The following SLC24A2 variants were observed in gnomAD, a reference collection of about 807,000 sequenced individuals.
SLC24A2 encodes solute carrier family 24 member 2.
Under a neutral mutation model 62.0 loss-of-function variants are expected in SLC24A2, and 36 were observed. The ratio of observed to expected loss-of-function variants is 0.58; its 90% CI spans 0.44 to 0.77. The LOEUF is 0.77. Ranked by LOEUF, SLC24A2 falls within the 30% of genes least tolerant of loss-of-function variation. The probability of loss-of-function intolerance (pLI) is 0.00; values close to 1 mark genes in which losing one functional copy is unlikely to be tolerated. For missense variants in SLC24A2, 846 were observed against 817.9 expected (o/e 1.03, Z -0.42); for synonymous variants, 358 against 294.0 (o/e 1.22, Z -2.23).
chr9:20,207,449 T>C, the SLC24A2 span, among the ~76,000 whole-genome samples: 3 of 151,092 alleles, frequency 2.0e-5, no homozygotes, highest in Admixed American at 2.0e-4. Context: ...TATACAGGTC[T>C]AATTCTGAAC....
the SLC24A2 span, among the ~76,000 whole-genome samples, chr9:20,298,007 T>C: frequency 6.6e-6 from 1 of 152,138 alleles, no homozygotes; most frequent in East Asian, 1.9e-4. Flanking sequence ...CAAGCACTGG[T>C]GGAGGCAAAC....
the SLC24A2 span, among the ~76,000 whole-genome samples, chr9:20,089,060 TG>T: frequency 6.6e-6 from 1 of 152,160 alleles, no homozygotes; most frequent in Non-Finnish European, 1.5e-5. Flanking sequence ...CATCCCCTGC[TG>T]GGGCTATTGA....
At chr9:19,843,842 A>G in the SLC24A2 span, among the ~76,000 whole-genome samples, 4 of 152,188 alleles carry the variant, frequency 2.6e-5, no homozygotes, top group African/African-American at 7.2e-5. Flanking sequence ...ATGTTGCTGC[A>G]AAGGACATGA....
At chr9:20,025,932 A>G in the SLC24A2 span, among the ~76,000 whole-genome samples, 1 of 152,174 alleles carries the variant, frequency 6.6e-6, no homozygotes, top group African/African-American at 2.4e-5. Flanking sequence ...TCTTGCCCCT[A>G]ATAAAAGACA....
At chr9:19,733,584 T>A (rs187252105) in intron 2 of SLC24A2, among the ~76,000 whole-genome samples, 38 of 152,334 alleles carry the variant, frequency 2.5e-4, no homozygotes, top group Non-Finnish European at 4.9e-4. Flanking sequence ...AAGCATTGAA[T>A]GAATGAAAAA....
the SLC24A2 span, among the ~76,000 whole-genome samples, chr9:20,245,569 G>A: frequency 6.6e-6 from 1 of 152,196 alleles, no homozygotes; most frequent in South Asian, 2.1e-4. Context: ...AAGGAAGGTG[G>A]ACCCCCAAGC....
At chr9:19,531,766 C>A (rs1399567894) in intron 8 of SLC24A2, among the ~76,000 whole-genome samples, 3 of 119,770 alleles carry the variant, frequency 2.5e-5, no homozygotes, top group Non-Finnish European at 4.8e-5. Flanking sequence ...GTATTGAAAT[C>A]TCTGCTCACA....
the SLC24A2 span, among the ~76,000 whole-genome samples, chr9:20,128,505 C>T: frequency 6.6e-6 from 1 of 152,064 alleles, no homozygotes; most frequent in African/African-American, 2.4e-5. Flanking sequence ...TATTGGGCTG[C>T]ATTACTCTAA....
the SLC24A2 span, among the ~76,000 whole-genome samples, chr9:20,095,907 A>G: frequency 6.6e-6 from 1 of 152,190 alleles, no homozygotes; most frequent in Non-Finnish European, 1.5e-5. Flanking sequence ...TTATAAAATC[A>G]TCAGATCTTG....
the SLC24A2 span, among the ~76,000 whole-genome samples, chr9:20,002,581 G>A: frequency 6.6e-6 from 1 of 152,052 alleles, no homozygotes; most frequent in Non-Finnish European, 1.5e-5. Flanking sequence ...CCCACTGCTG[G>A]TACATCACAG....
intron 2 of SLC24A2, among the ~76,000 whole-genome samples, chr9:19,736,012 A>G (rs866507636): frequency 1.3e-5 from 2 of 152,212 alleles, no homozygotes; most frequent in Non-Finnish European, 2.9e-5. Context: ...ATAAAAAAAA[A>G]GAATTAAAAT....
chr9:20,214,507 C>T, the SLC24A2 span, among the ~76,000 whole-genome samples: 1 of 151,942 alleles, frequency 6.6e-6, no homozygotes, highest in African/African-American at 2.4e-5. Context: ...CCCAGCTACT[C>T]GGGAGGCTGA....
chr9:20,205,182 A>G, the SLC24A2 span, among the ~76,000 whole-genome samples: 1 of 152,294 alleles, frequency 6.6e-6, no homozygotes, highest in African/African-American at 2.4e-5. Context: ...ACTTTTTAAA[A>G]AACTGTATGA....
At chr9:19,636,314 CT>C (rs748916889) in intron 2 of SLC24A2, among the ~76,000 whole-genome samples, 821 of 21,054 alleles carry the variant, frequency 0.039, 76 homozygotes, top group Admixed American at 0.15. Context: ...CTTTTCTTTT[CT>C]TTTCTTTCTT....
intron 7 of SLC24A2, among the ~76,000 whole-genome samples, chr9:19,560,879 T>TTATGTG (rs1554677444): frequency 7.3e-6 from 1 of 137,068 alleles, no homozygotes; most frequent in Non-Finnish European, 1.6e-5. Context: ...GTCTTTGCAT[T>TTATGTG]TGTGTGTGTG....
chr9:20,227,525 C>A, the SLC24A2 span, among the ~76,000 whole-genome samples: 1 of 133,472 alleles, frequency 7.5e-6, no homozygotes. Flanking sequence ...AGAAAAGGCT[C>A]ACACATTTCT....
At chr9:20,113,284 C>G in the SLC24A2 span, among the ~76,000 whole-genome samples, 1 of 152,158 alleles carries the variant, frequency 6.6e-6, no homozygotes, top group Non-Finnish European at 1.5e-5. Context: ...CAAATCCTGG[C>G]TGCACCATTT....
chr9:20,258,139 C>T, the SLC24A2 span, among the ~76,000 whole-genome samples: 46 of 152,250 alleles, frequency 3.0e-4, no homozygotes, highest in African/African-American at 9.9e-4. Context: ...TCCTAACATC[C>T]GGAACGGTGA....
chr9:19,970,325 T>C, the SLC24A2 span, among the ~76,000 whole-genome samples: 1 of 152,186 alleles, frequency 6.6e-6, no homozygotes, highest in Non-Finnish European at 1.5e-5. Context: ...TCCCTTTGTC[T>C]AAGATGTCAC....
Sources: allele counts gnomAD v4.1 joint callset (sites outside exome capture counted in the v4.1 genomes callset), GRCh38; gene constraint gnomAD v4.1.1; transcripts MANE v1.5; gene names NCBI Gene and HGNC (gene_info 2026-07-23, HGNC 2026-07-21).